The following CCDC158 variants were observed in gnomAD, a reference collection of about 807,000 sequenced individuals.
CCDC158 encodes the protein coiled-coil domain-containing protein 158.
A neutral mutation model predicts 138.6 loss-of-function variants in CCDC158; 116 were observed. The ratio of observed to expected loss-of-function variants is 0.84; its 90% CI spans 0.72 to 0.98. CCDC158 has a LOEUF of 0.98. Ranked by LOEUF, CCDC158 falls within the 50% of genes least tolerant of loss-of-function variation. The pLI is 0.00. For missense variants in CCDC158, 1,265 were observed against 1,306.1 expected (o/e 0.97, Z 0.48); for synonymous variants, 436 against 442.4 (o/e 0.99, Z 0.18).
intron 1 of CCDC158, among the ~76,000 whole-genome samples, chr4:76,419,222 T>C (rs2109939332): frequency 6.6e-6 from 1 of 152,334 alleles, no homozygotes; most frequent in East Asian, 1.9e-4. Flanking sequence ...ATTTCTTTTC[T>C]TACCAAATTC....
intron 15 of CCDC158, among the ~76,000 whole-genome samples, chr4:76,354,353 G>A (rs1723339730): frequency 6.6e-6 from 1 of 151,778 alleles, no homozygotes; most frequent in Non-Finnish European, 1.5e-5. Flanking sequence ...ATGCACAAAT[G>A]TAGGTTTATA....
At chr4:76,371,061 G>A (rs960612796) in intron 10 of CCDC158, among the ~76,000 whole-genome samples, 10 of 151,960 alleles carry the variant, frequency 6.6e-5, no homozygotes, top group African/African-American at 1.9e-4. Context: ...TCACCTAACC[G>A]TCCATTCCAA....
chr4:76,411,205 C>A (rs1346863023), intron 2 of CCDC158, among the ~76,000 whole-genome samples: 2 of 152,072 alleles, frequency 1.3e-5, no homozygotes, highest in Non-Finnish European at 2.9e-5. Context: ...ATTTAGAGAC[C>A]AGCCTGGTCA....
intron 18 of CCDC158, among the ~76,000 whole-genome samples, chr4:76,340,662 C>T (rs1721964648): frequency 1.3e-5 from 2 of 151,974 alleles, no homozygotes; most frequent in South Asian, 2.1e-4. Flanking sequence ...GTGTCACTGT[C>T]TCCCATCACC....
chr4:76,415,632 T>C (rs1045478028), intron 1 of CCDC158, among the ~76,000 whole-genome samples: 28 of 152,266 alleles, frequency 1.8e-4, no homozygotes, highest in African/African-American at 5.5e-4. Flanking sequence ...TCCAATATTA[T>C]AATAATCCTC....
intron 3 of CCDC158, among the ~76,000 whole-genome samples, chr4:76,399,360 C>T (rs955791698): frequency 7.9e-5 from 12 of 152,190 alleles, no homozygotes; most frequent in Middle Eastern, 3.4e-3. Context: ...TGCATACGGG[C>T]TTAATACCTA....
At chr4:76,369,807 A>T (rs1291778110) in intron 10 of CCDC158, among the ~76,000 whole-genome samples, 184 bp from the exon 11 acceptor site, 2 of 152,218 alleles carry the variant, frequency 1.3e-5, no homozygotes, top group African/African-American at 4.8e-5. Flanking sequence ...ATTTTGCTTA[A>T]AATTTCTAGC....
In CCDC158 at chr4:76,334,198, T is replaced by A. The variant is rs752423971; in HGVS notation, c.2665-31A>T. ...TTAAAACAATTTACAAAGACACTTA[T>A]TTTTTCAGATTTCTATGCTATTTCC... On this transcript the variant is annotated intron_variant, in intron 18 of 24. Coordinates refer to ENST00000682701, the MANE Select transcript of CCDC158 (RefSeq NM_001394954.1). The A allele has an allele frequency of 2.0e-6, 3 of 1,479,596 alleles. No homozygotes were observed. In the East Asian group the frequency reaches 7.1e-5, roughly 35 times the overall value. 91.7% of individuals were successfully genotyped at this position (1,479,596 alleles called of 1,614,324 possible).
chr4:76,332,527 A>C, intron 19 of CCDC158, 36 bp from the exon 20 acceptor site: 1 of 1,466,380 alleles, frequency 6.8e-7, no homozygotes, highest in Non-Finnish European at 9.4e-7. Flanking sequence ...TAATCATATA[A>C]AGCACAATTT....
At chr4:76,326,370 T>C (rs984751817) in intron 22 of CCDC158, among the ~76,000 whole-genome samples, 1 of 152,136 alleles carries the variant, frequency 6.6e-6, no homozygotes. Context: ...ACTTTTCATA[T>C]ATAATATGTC....
chr4:76,376,327 G>A (rs1477492083), intron 9 of CCDC158, among the ~76,000 whole-genome samples: 1 of 152,150 alleles, frequency 6.6e-6, no homozygotes, highest in African/African-American at 2.4e-5. Context: ...GCCTTCGAAA[G>A]TGCTGGGATT....
intron 24 of CCDC158, among the ~76,000 whole-genome samples, chr4:76,321,378 G>T (rs1386870406): frequency 1.3e-5 from 2 of 151,900 alleles, no homozygotes; most frequent in African/African-American, 4.8e-5. Flanking sequence ...ACAACTAAAA[G>T]TAGAACTACC....
chr4:76,351,601 A>G (rs1459413705), intron 17 of CCDC158, 119 bp downstream of exon 17: 1 of 645,740 alleles, frequency 1.5e-6, no homozygotes, highest in African/African-American at 1.8e-5. Context: ...ATTGCTATTA[A>G]TAGTATCAAG....
rs763735908 is a variant in CCDC158 at position 76,333,980 on chromosome 4, C to T, written c.2822+30G>A. 6.7e-6 allele frequency: 10 copies of T among 1,489,106 alleles called. No individual in the cohort carries two copies. In the East Asian group the frequency reaches 1.9e-4, roughly 28 times the overall value. The allele number at this position is 1,489,106 out of a possible 1,614,324, so 92.2% of individuals were successfully genotyped here. ...AATGGCAAACCATTCAAGAGATGAGCTTTCCCATTCTGTGTGCACACAGCC... is the reference window on the plus strand; with the variant it reads ...AATGGCAAACCATTCAAGAGATGAGTTTTCCCATTCTGTGTGCACACAGCC... On this transcript the variant is annotated intron_variant, in intron 19 of 24. Coordinates refer to ENST00000682701, the MANE Select transcript of CCDC158 (RefSeq NM_001394954.1).
intron 8 of CCDC158, among the ~76,000 whole-genome samples, chr4:76,380,236 C>CAGA (rs35814807): frequency 0.87 from 132,286 of 151,872 alleles, 57,753 homozygotes; most frequent in South Asian, 0.97. Flanking sequence ...TTGGAGGGAT[C>CAGA]AGAAGACAGA....
chr4:76,344,692 T>C (rs1339170567), intron 18 of CCDC158: 3 of 1,613,832 alleles, frequency 1.9e-6, no homozygotes, highest in African/African-American at 1.3e-5. Flanking sequence ...GAGTTTTCTG[T>C]TACAAGGCAA....
Position 76,325,737 on chromosome 4 carries a change from A to T in CCDC158, c.3169+120T>A, listed in dbSNP as rs995088862. 20 of 727,512 alleles carry T rather than the reference A, an allele frequency of 2.7e-5. No homozygotes were observed. In the African/African-American group the frequency reaches 3.4e-4, roughly 12 times the overall value. The allele number at this position is 727,512 out of a possible 1,614,324, so 45.1% of individuals were successfully genotyped here. On this transcript the variant is annotated intron_variant, in intron 23 of 24. Transcript: ENST00000682701. ...AAAAGACCTGTTTAAATTACACAGA[A>T]TCAGTTAGAGCTTACACATAAGAGC... is the stretch of plus-strand genomic sequence containing the variant.
chr4:76,346,634 C>T (rs942213524), intron 18 of CCDC158, among the ~76,000 whole-genome samples: 19 of 152,042 alleles, frequency 1.2e-4, no homozygotes, highest in African/African-American at 4.3e-4. Context: ...CACTTGAACC[C>T]GGGAGGCGGA....
chr4:76,386,296 A>G (rs1310083912), intron 4 of CCDC158, among the ~76,000 whole-genome samples: 2 of 152,254 alleles, frequency 1.3e-5, no homozygotes, highest in Non-Finnish European at 2.9e-5. Context: ...ATAGTGAGGC[A>G]GGAAAATAGG....
Sources: allele counts gnomAD v4.1 joint callset (sites outside exome capture counted in the v4.1 genomes callset), GRCh38; gene constraint gnomAD v4.1.1; transcripts MANE v1.5; gene names NCBI Gene and HGNC (gene_info 2026-07-23, HGNC 2026-07-21).